The following HERC5 variants were observed in gnomAD, a reference collection of about 807,000 sequenced individuals.
HERC5 encodes the protein HECT and RLD domain containing E3 ubiquitin protein ligase 5.
A neutral mutation model predicts 119.6 loss-of-function variants in HERC5; 99 were observed. That is an observed-to-expected ratio of 0.83 (90% confidence interval 0.70 to 0.98). The LOEUF (loss-of-function observed/expected upper bound fraction) is 0.98, where lower values mean the gene tolerates loss of function less well. HERC5 is among the 50% of genes least tolerant of loss of function. The pLI, the probability that HERC5 is intolerant of heterozygous loss-of-function variation, is 0.00. For missense variants in HERC5, 1,267 were observed against 1,241.3 expected (o/e 1.02, Z -0.31); for synonymous variants, 478 against 445.9 (o/e 1.07, Z -0.91).
At chr4:88,471,291 G>GT (rs1462495178) in intron 10 of HERC5, among the ~76,000 whole-genome samples, 2 of 151,580 alleles carry the variant, frequency 1.3e-5, no homozygotes, top group African/African-American at 4.8e-5. Flanking sequence ...TTTATACATT[G>GT]TTTTCTACCT....
chr4:88,481,580 A>G (rs1560607537), intron 13 of HERC5, among the ~76,000 whole-genome samples: 1 of 152,090 alleles, frequency 6.6e-6, no homozygotes, highest in Non-Finnish European at 1.5e-5. Context: ...TTTTTCTCCC[A>G]TAAAGGTTTT....
At chr4:88,493,680 C>T (rs1471548672) in intron 17 of HERC5, among the ~76,000 whole-genome samples, 2 of 152,082 alleles carry the variant, frequency 1.3e-5, no homozygotes, top group African/African-American at 4.8e-5. Context: ...GATCTTAACT[C>T]ACTGCAACCT....
chr4:88,490,041 T>G (rs952877581), intron 16 of HERC5, among the ~76,000 whole-genome samples: 2 of 152,164 alleles, frequency 1.3e-5, no homozygotes, highest in Non-Finnish European at 2.9e-5. Flanking sequence ...TAAATTGCTT[T>G]GTAGAAAAGA....
Position 88,489,178 on chromosome 4 carries a change from A to T in HERC5, c.1975A>T (p.Lys659Ter). The T allele has an allele frequency of 6.2e-7, 1 of 1,608,600 alleles. No individual in the cohort carries two copies. The change falls in exon 16 of 23, where the codon AAA becomes TAA. Residue 659 changes from lysine (K) to a stop codon, truncating the protein, a stop_gained. Coordinates refer to ENST00000264350, the MANE Select transcript of HERC5 (RefSeq NM_016323.4). LOFTEE classifies it high-confidence loss of function. ...TLLKIESKKH[K>*]AYLRSAAIEE... is the part of the protein sequence containing the mutation. ...TCTGTTTTCCTAGAGTAAAAAACAT[A>T]AAGCTTATCTTAGGTCGGCAGCAAT...
intron 13 of HERC5, 125 bp downstream of exon 13, chr4:88,479,632 A>C (rs1331379478): frequency 1.7e-6 from 1 of 599,108 alleles, no homozygotes; most frequent in Non-Finnish European, 2.6e-6. Context: ...TATTTTTTTA[A>C]TTTTTTTTTA....
Position 88,461,432 on chromosome 4 carries a change from C to T in HERC5, c.467-703C>T, listed in dbSNP as rs183027163. 3.7e-4 allele frequency among the ~76,000 whole-genome samples: 57 copies of T among 152,266 alleles called. 1 individual carries two copies. Among genetic ancestry groups the T allele is most frequent in the Admixed American group, 3.5e-3 (54 of 15,286 alleles). On this transcript the variant is annotated intron_variant, in intron 3 of 22. Transcript: ENST00000264350. Reference sequence around the variant, plus strand: ...AAGAAAAGAAACTGGTCATGCTCATCATTATATTCCTGGTGGTTGACAGGT... The same window carrying T: ...AAGAAAAGAAACTGGTCATGCTCATTATTATATTCCTGGTGGTTGACAGGT...
At chr4:88,494,819 T>C (rs1741753610) in intron 18 of HERC5, among the ~76,000 whole-genome samples, 1 of 152,176 alleles carries the variant, frequency 6.6e-6, no homozygotes, top group Non-Finnish European at 1.5e-5. Context: ...AAAGAAGCAA[T>C]AGAAATGCTT....
At chr4:88,489,811 C>T (rs1028574816) in intron 16 of HERC5, among the ~76,000 whole-genome samples, 1 of 152,068 alleles carries the variant, frequency 6.6e-6, no homozygotes, top group Non-Finnish European at 1.5e-5. Context: ...GAGTTCGAGA[C>T]CAGCCTGGTC....
chr4:88,457,537 G>GAGT lies in HERC5; in HGVS notation c.265+4_265+6dup. The GAGT allele has an allele frequency of 7.9e-7, 1 of 1,267,522 alleles. No homozygotes were observed. The highest frequency in any genetic ancestry group is 9.9e-7 in the Non-Finnish European group (1 of 1,006,104). The allele number at this position is 1,267,522 out of a possible 1,614,324, so 78.5% of individuals were successfully genotyped here. A position where few individuals can be genotyped will look rare whatever the true frequency, so the allele number is the denominator to read the frequency against. ...GAGCGGCGGCGCCCGGACGCCGAGTGAGTGGGGCTGGTGTGTGAGGGCTGT... is the reference window on the plus strand; with the variant it reads ...GAGCGGCGGCGCCCGGACGCCGAGTGAGTAGTGGGGCTGGTGTGTGAGGGCTGT... On this transcript the variant is annotated splice_donor_region_variant and intron_variant, in intron 1 of 22. Coordinates refer to ENST00000264350, the MANE Select transcript of HERC5 (RefSeq NM_016323.4).
chr4:88,488,976 C>G (rs913674811), intron 15 of HERC5, among the ~76,000 whole-genome samples, 190 bp from the exon 16 acceptor site: 3 of 152,180 alleles, frequency 2.0e-5, no homozygotes, highest in Admixed American at 6.5e-5. Flanking sequence ...TTCTTCAGGT[C>G]CCTTGTTTCC....
Position 88,470,624 on chromosome 4 carries a change from G to C in HERC5, c.1249G>C (p.Glu417Gln), listed in dbSNP as rs958886435. ...TTATTACTAATATAGGGAAATCCAA[G>C]AGATATTTTCATCTCCTGCTTGTCT... ...RWQSTKREIQ[E>Q]IFSSPACLTG... The change falls in exon 10 of 23, where the codon GAG (glutamate) becomes CAG (glutamine). Residue 417 changes from glutamate (E) to glutamine (Q), a missense_variant. Transcript: ENST00000264350. The C allele has an allele frequency of 3.3e-6, 5 of 1,510,980 alleles. No individual in the cohort carries two copies. The African/African-American group carries it at 6.9e-5, about 21-fold the overall frequency. The allele number at this position is 1,510,980 out of a possible 1,614,324, so 93.6% of individuals were successfully genotyped here. A position where few individuals can be genotyped will look rare whatever the true frequency, so the allele number is the denominator to read the frequency against.
chr4:88,466,591 C>T (rs984794860), intron 6 of HERC5, among the ~76,000 whole-genome samples: 8 of 152,198 alleles, frequency 5.3e-5, no homozygotes, highest in African/African-American at 1.4e-4. Flanking sequence ...AACAGGGCAC[C>T]AGCCAGACCT....
chr4:88,494,276 T>G lies in HERC5; in HGVS notation c.2389T>G (p.Leu797Val). 6.2e-7 allele frequency: 1 copy of G among 1,613,674 alleles called. No individual in the cohort carries two copies. The highest frequency in any genetic ancestry group is 8.5e-7 in the Non-Finnish European group (1 of 1,179,854). Residue 797 changes from leucine to valine, a missense_variant, in exon 18 of 23, where the codon TTG (leucine) becomes GTG (valine). By Grantham distance (32) the Leu-to-Val change is conservative. Transcript: ENST00000264350. The part of the protein sequence containing the change: ...PFPLALFKKL[L>V]DQMPSLEDLK... ...CCCACTGGCACTGTTTAAGAAACTT[T>G]TGGACCAAATGCCATCATTGGAAGA...
chr4:88,492,029 A>G (rs1196135203), intron 16 of HERC5, among the ~76,000 whole-genome samples: 1 of 151,990 alleles, frequency 6.6e-6, no homozygotes, highest in Non-Finnish European at 1.5e-5. Context: ...TTTGAGACAG[A>G]GTCTCACTCT....
intron 19 of HERC5, among the ~76,000 whole-genome samples, chr4:88,500,360 G>A (rs941181173): frequency 6.6e-6 from 1 of 152,210 alleles, no homozygotes; most frequent in Non-Finnish European, 1.5e-5. Context: ...CAATAGGCTA[G>A]CTGAGGCTTT....
chr4:88,474,084 G>A (rs896273699), intron 11 of HERC5, among the ~76,000 whole-genome samples: 46 of 152,248 alleles, frequency 3.0e-4, no homozygotes, highest in Admixed American at 1.9e-3. Context: ...ATGATGACTC[G>A]ATGAAGAATA....
chr4:88,463,825 A>T, intron 5 of HERC5, 30 bp from the exon 6 acceptor site: 1 of 1,608,124 alleles, frequency 6.2e-7, no homozygotes, highest in Non-Finnish European at 8.5e-7. Flanking sequence ...TTATTTTTCT[A>T]GCATCTGATA....
chr4:88,484,703 C>T (rs191871034), intron 13 of HERC5, among the ~76,000 whole-genome samples: 44 of 152,284 alleles, frequency 2.9e-4, no homozygotes, highest in Non-Finnish European at 6.0e-4. Flanking sequence ...TTTTCGGTCT[C>T]AGACTTGTGG....
Position 88,474,334 on chromosome 4 carries a change from G to T in HERC5, c.1393-1507G>T, listed in dbSNP as rs193056400. On this transcript the variant is annotated intron_variant, in intron 11 of 22. Coordinates refer to ENST00000264350, the MANE Select transcript of HERC5 (RefSeq NM_016323.4). ...CCCAGAGGAATTAAGATCTTACCAG[G>T]TGCTCACGTGGAAGGATATTCGAGG... 6.8e-4 allele frequency among the ~76,000 whole-genome samples: 104 copies of T among 152,332 alleles called. 1 individual carries two copies. The South Asian group carries it at 0.021, about 31-fold the overall frequency.
Sources: allele counts gnomAD v4.1 joint callset (sites outside exome capture counted in the v4.1 genomes callset), GRCh38; gene constraint gnomAD v4.1.1; transcripts MANE v1.5; gene names NCBI Gene and HGNC (gene_info 2026-07-23, HGNC 2026-07-21).